The following SCOC variants were observed in gnomAD, a reference collection of about 807,000 sequenced individuals.
SCOC encodes short coiled coil protein.
In SCOC, 7 loss-of-function variants were observed where a neutral mutation model predicts 9.9. The ratio of observed to expected loss-of-function variants is 0.71; its 90% CI spans 0.40 to 1.33. The LOEUF is 1.33. SCOC is among the 40% of genes most tolerant of loss of function. SCOC has a pLI of 0.01. For synonymous variants in SCOC, 19 were observed against 28.2 expected, an observed-to-expected ratio of 0.67 and a Z score of 1.03; for missense variants, 66 against 89.7, an observed-to-expected ratio of 0.74 and a Z score of 1.07.
chr4:140,326,701 A>ACATAT (rs1732659660), intron 1 of SCOC, among the ~76,000 whole-genome samples: 3 of 152,198 alleles, frequency 2.0e-5, no homozygotes, highest in Non-Finnish European at 2.9e-5. Flanking sequence ...CTAATGCTAA[A>ACATAT]GTCTTTTATT....
At chr4:140,304,628 C>T (rs961683287) in intron 1 of SCOC, among the ~76,000 whole-genome samples, 5 of 152,086 alleles carry the variant, frequency 3.3e-5, no homozygotes, top group African/African-American at 4.8e-5. Context: ...CAGTACCCAG[C>T]GAGAAACTCA....
At chr4:140,260,820 A>T (rs149650386) in intron 1 of SCOC, among the ~76,000 whole-genome samples, 11 of 152,348 alleles carry the variant, frequency 7.2e-5, no homozygotes, top group Non-Finnish European at 1.5e-4. Flanking sequence ...ACACTGTGAG[A>T]GAGAAAAGAA....
Position 140,345,762 on chromosome 4 carries a change from T to C in SCOC, c.70+2054T>C, listed in dbSNP as rs774627803. 4.6e-5 allele frequency among the ~76,000 whole-genome samples: 7 copies of C among 152,242 alleles called. No individual in the cohort carries two copies. In the East Asian group the frequency reaches 1.4e-3, roughly 29 times the overall value. ...ATGTGTACATATACATATATATATG[T>C]AAGGGAGGCCCAGAGAGTCTAAATG... is the stretch of plus-strand genomic sequence containing the variant. On this transcript the variant is annotated intron_variant, in intron 2 of 4. Coordinates refer to the SCOC transcript ENST00000338517.
intron 2 of SCOC, among the ~76,000 whole-genome samples, chr4:140,345,404 A>G (rs1355716302): frequency 6.6e-6 from 1 of 152,228 alleles, no homozygotes; most frequent in Non-Finnish European, 1.5e-5. Flanking sequence ...CAAAATGGTA[A>G]ATGGAAATTG....
upstream of SCOC, among the ~76,000 whole-genome samples, chr4:140,372,080 A>G (rs1427449753): frequency 6.6e-6 from 1 of 152,224 alleles, no homozygotes; most frequent in Non-Finnish European, 1.5e-5. Context: ...ATAAACACAA[A>G]GTAAGATGAT....
upstream of SCOC, among the ~76,000 whole-genome samples, chr4:140,371,107 A>G (rs1002154706): frequency 1.3e-5 from 2 of 151,896 alleles, no homozygotes; most frequent in Admixed American, 6.6e-5. Context: ...GGATGGTCTC[A>G]ATCTCCTGAC....
At chr4:140,314,112 TA>T (rs369473232) in intron 1 of SCOC, 941 of 141,500 alleles carry the variant, frequency 6.7e-3, no homozygotes, top group Admixed American at 6.3e-3. Flanking sequence ...AGACCCTGTT[TA>T]AAAAAAAAAA....
At chr4:140,362,398 C>T (rs1352127413) in intron 2 of SCOC, among the ~76,000 whole-genome samples, 1 of 141,144 alleles carries the variant, frequency 7.1e-6, no homozygotes, top group Non-Finnish European at 1.5e-5. Flanking sequence ...TGGGTTCAAG[C>T]GATTCTCCTG....
intron 1 of SCOC, among the ~76,000 whole-genome samples, chr4:140,307,707 C>T (rs6840033): frequency 0.38 from 58,230 of 152,008 alleles, 13,791 homozygotes; most frequent in African/African-American, 0.67. Flanking sequence ...TGAGTTCTAT[C>T]AAGGCCGGAT....
upstream of SCOC, among the ~76,000 whole-genome samples, chr4:140,369,094 C>T (rs1727931204): frequency 6.6e-6 from 1 of 152,096 alleles, no homozygotes; most frequent in African/African-American, 2.4e-5. Flanking sequence ...CTTACATTCC[C>T]TCTACCTATT....
intron 2 of SCOC, among the ~76,000 whole-genome samples, chr4:140,365,422 G>A (rs1727748777): frequency 6.6e-6 from 1 of 152,202 alleles, no homozygotes; most frequent in African/African-American, 2.4e-5. Context: ...CAAAAAGAAT[G>A]GCATGGCTTC....
chr4:140,288,494 C>T (rs1463070161), intron 1 of SCOC, among the ~76,000 whole-genome samples: 3 of 151,876 alleles, frequency 2.0e-5, no homozygotes, highest in Non-Finnish European at 2.9e-5. Context: ...TAAGTACACA[C>T]CACAAACACT....
At chr4:140,288,482 C>T (rs1731366276) in intron 1 of SCOC, among the ~76,000 whole-genome samples, 1 of 151,776 alleles carries the variant, frequency 6.6e-6, no homozygotes, top group Admixed American at 6.6e-5. Flanking sequence ...ACACTACACA[C>T]ATAAGTACAC....
At chr4:140,367,053 A>G (rs1727834506) in intron 2 of SCOC, among the ~76,000 whole-genome samples, 1 of 151,982 alleles carries the variant, frequency 6.6e-6, no homozygotes, top group Non-Finnish European at 1.5e-5. Flanking sequence ...TAAAAATACA[A>G]AAATTAGCCG....
chr4:140,354,805 T>C (rs1423971543), intron 2 of SCOC, among the ~76,000 whole-genome samples: 1 of 152,120 alleles, frequency 6.6e-6, no homozygotes, highest in African/African-American at 2.4e-5. Context: ...TTCCTGTAGA[T>C]TCTCAATTCT....
Position 140,373,696 on chromosome 4 carries a change from C to A in SCOC, c.-72C>A. ...TGAGGTGTCGGCCGGATCCCTCCTTCTCCCGGCGCCTCAAGCGGAAGGTGA... is the reference window on the plus strand; with the variant it reads ...TGAGGTGTCGGCCGGATCCCTCCTTATCCCGGCGCCTCAAGCGGAAGGTGA... On this transcript the variant is annotated 5_prime_UTR_variant, in exon 1 of 4. Coordinates refer to ENST00000608372, the MANE Select transcript of SCOC (RefSeq NM_001153484.2). 1.9e-6 allele frequency: 3 copies of A among 1,549,316 alleles called. No homozygotes were observed. Among genetic ancestry groups the A allele is most frequent in the Non-Finnish European group, 2.6e-6 (3 of 1,146,858 alleles).
At chr4:140,305,923 C>G (rs1487770829) in intron 1 of SCOC, among the ~76,000 whole-genome samples, 2 of 152,178 alleles carry the variant, frequency 1.3e-5, no homozygotes, top group Non-Finnish European at 2.9e-5. Flanking sequence ...TTCACCTTTT[C>G]TCCCTTTTTA....
Position 140,286,846 on chromosome 4 carries a change from T to G in SCOC, c.-19+29436T>G, listed in dbSNP as rs572241490. ...CTCATCAGCCAATACTCTCAAGATC[T>G]TGCTGAGTACAGAGGTACTTTGGGA... On this transcript the variant is annotated intron_variant, in intron 1 of 4. Transcript: ENST00000394205. Among the ~76,000 whole-genome samples the G allele has an allele frequency of 8.5e-5, 13 of 152,298 alleles. No homozygotes were observed. In the South Asian group the frequency reaches 2.7e-3, roughly 32 times the overall value.
intron 1 of SCOC, chr4:140,284,415 T>C (rs1731172885): frequency 6.6e-6 from 1 of 152,122 alleles, no homozygotes; most frequent in African/African-American, 2.4e-5. Context: ...CTCAGATCCA[T>C]TTCATAACAA....
Sources: gnomAD v4.1 joint callset for allele counts (sites outside exome capture counted in the v4.1 genomes callset) on GRCh38, gnomAD v4.1.1 for gene constraint, MANE v1.5 for transcripts, NCBI Gene and HGNC (gene_info 2026-07-23, HGNC 2026-07-21) for gene names.